GSTO2: variants seen among roughly 807,000 people sequenced by gnomAD.
GSTO2 encodes glutathione S-transferase omega-2.
GSTO2 carries 23 observed loss-of-function variants against 28.4 expected under a neutral mutation model. The ratio of observed to expected loss-of-function variants is 0.81; its 90% CI spans 0.58 to 1.15. The LOEUF is 1.15. Ranked by LOEUF, GSTO2 falls within the 50% of genes most tolerant of loss-of-function variation. The pLI is 0.00. For missense variants in GSTO2, 298 were observed against 297.8 expected, an observed-to-expected ratio of 1.00 and a Z score of 0.00; for synonymous variants, 109 against 111.0, an observed-to-expected ratio of 0.98 and a Z score of 0.11.
At chr10:104,269,721 C>T (rs557321736) in intron 1 of GSTO2, among the ~76,000 whole-genome samples, 2 of 152,282 alleles carry the variant, frequency 1.3e-5, no homozygotes, top group Admixed American at 1.3e-4. Context: ...ATAATAATAG[C>T]TAATGTTGAA....
rs892529683 is a variant in GSTO2, at chr10:104,300,455, T to G, written c.*1171T>G. On this transcript the variant is annotated 3_prime_UTR_variant, in exon 7 of 7. Coordinates refer to ENST00000338595, the MANE Select transcript of GSTO2 (RefSeq NM_183239.2). ...GGGAGCCCCCATCTCTCCACTTATC[T>G]TGGTTGAGGTTTTAAACCTAGCGCT... 1.3e-5 allele frequency: 2 copies of G among 152,296 alleles called. No homozygotes were observed. Among genetic ancestry groups the G allele is most frequent in the Non-Finnish European group, 1.5e-5 (1 of 68,082 alleles). The allele number at this position is 152,296 out of a possible 1,614,324, so 9.4% of individuals were successfully genotyped here. A position where few individuals can be genotyped will look rare whatever the true frequency, so the allele number is the denominator to read the frequency against.
Position 104,297,656 on chromosome 10 carries a change from G to A in GSTO2, c.547G>A (p.Glu183Lys). ...TGATTACCTCCTCTGGCCCTGGTTT[G>A]AGCGGCTGGATGTGTATGGGATACT... ...MIDYLLWPWFERLDVYGILDC... is the reference protein window; with the variant it reads ...MIDYLLWPWFKRLDVYGILDC... Residue 183 changes from glutamate (E) to lysine (K), a missense_variant, in exon 6 of 7, where the codon GAG (glutamate) becomes AAG (lysine). By Grantham distance (56) the Glu-to-Lys change is moderately conservative. Transcript: ENST00000338595. The A allele has an allele frequency of 1.2e-6, 2 of 1,613,534 alleles. No homozygotes were observed. Among genetic ancestry groups the A allele is most frequent in the Non-Finnish European group, 1.7e-6 (2 of 1,179,556 alleles).
In GSTO2 at chr10:104,274,749, C is replaced by T. The variant is rs755711005; in HGVS notation, c.-167C>T. The T allele has an allele frequency of 1.3e-6, 1 of 786,722 alleles. No individual in the cohort carries two copies. The highest frequency in any genetic ancestry group is 1.6e-5 in the South Asian group (1 of 63,244). 48.7% of individuals were successfully genotyped at this position (786,722 alleles called of 1,614,324 possible). On this transcript the variant is annotated 5_prime_UTR_variant, in exon 2 of 7. Transcript: ENST00000338595. Reference sequence around the variant, plus strand: ...CCAGGTTAAATTACCCTAGCTCCTGCTCCAGATCGCTTCCCCGTGCCCCGC... The same window carrying T: ...CCAGGTTAAATTACCCTAGCTCCTGTTCCAGATCGCTTCCCCGTGCCCCGC...
intron 1 of GSTO2, among the ~76,000 whole-genome samples, chr10:104,273,996 T>C (rs909147800): frequency 2.0e-5 from 3 of 152,218 alleles, no homozygotes; most frequent in African/African-American, 7.2e-5. Flanking sequence ...TAAGGAATTA[T>C]TTTTTTACCT....
chr10:104,279,246 G>A, intron 4 of GSTO2, 124 bp from the exon 5 acceptor site: 1 of 691,854 alleles, frequency 1.4e-6, no homozygotes, highest in Admixed American at 2.6e-5. Flanking sequence ...CAGGGAGCTG[G>A]GGGGTCTGAT....
intron 5 of GSTO2, among the ~76,000 whole-genome samples, chr10:104,289,183 C>G (rs1255783299): frequency 6.6e-6 from 1 of 152,168 alleles, no homozygotes; most frequent in Non-Finnish European, 1.5e-5. Flanking sequence ...ACTGCAGCCT[C>G]GACCTCTCAG....
At chr10:104,273,914 T>C (rs1055771341) in intron 1 of GSTO2, among the ~76,000 whole-genome samples, 4 of 152,348 alleles carry the variant, frequency 2.6e-5, no homozygotes, top group Admixed American at 2.6e-4. Context: ...TATTTTTCTT[T>C]CCTTCATGAT....
At chr10:104,294,261 G>A (rs2012922590) in intron 5 of GSTO2, among the ~76,000 whole-genome samples, 1 of 152,174 alleles carries the variant, frequency 6.6e-6, no homozygotes, top group South Asian at 2.1e-4. Context: ...GATCATGGTA[G>A]AAATAAATGG....
At chr10:104,296,703 A>G (rs980096214) in intron 5 of GSTO2, 23 of 149,804 alleles carry the variant, frequency 1.5e-4, no homozygotes, top group African/African-American at 5.6e-4. Flanking sequence ...TTCCTGCCTT[A>G]GTTTTGAATT....
chr10:104,293,928 C>A (rs180713835), intron 5 of GSTO2, among the ~76,000 whole-genome samples: 4 of 152,104 alleles, frequency 2.6e-5, no homozygotes, highest in African/African-American at 4.8e-5. Context: ...CAGTGCAAAC[C>A]GGAGAGCCCG....
At position 104,275,175 on chromosome 10, in the gene GSTO2, C is replaced by G. The variant is rs753910980; in HGVS notation, c.35-51C>G. 3.2e-6 allele frequency: 5 copies of G among 1,556,934 alleles called. No individual in the cohort carries two copies. In the South Asian group the frequency reaches 6.1e-5, roughly 19 times the overall value. ...GCAAGTGAGCGAGCTCCTTCCTCAC[C>G]GGGCTGACTAGCCTCTCCTTTCCCT... On this transcript the variant is annotated intron_variant, in intron 2 of 6. Transcript: ENST00000338595.
chr10:104,278,263 G>C, intron 4 of GSTO2, 147 bp downstream of exon 4: 1 of 657,688 alleles, frequency 1.5e-6, no homozygotes, highest in Non-Finnish European at 2.6e-6. Flanking sequence ...CATGGAATTA[G>C]GGTAGAGCAT....
rs1386490981 is a variant in GSTO2, at chr10:104,278,017, T to C, written c.267T>C (p.Ala89=). Residue 89 remains alanine, a synonymous_variant, in exon 4 of 7, where the codon GCT becomes GCC. Transcript: ENST00000338595. ...AACTGATCTATGAATCTGTTATTGC[T>C]TGTGAGTACCTGGATGATGCTTATC... ...QCQLIYESVI[A]CEYLDDAYPG... is the part of the protein sequence containing the mutation. 6.2e-7 allele frequency: 1 copy of C among 1,614,206 alleles called. No individual in the cohort carries two copies. The highest frequency in any genetic ancestry group is 8.5e-7 in the Non-Finnish European group (1 of 1,180,030).
intron 1 of GSTO2, among the ~76,000 whole-genome samples, chr10:104,272,751 C>A (rs7913562): frequency 0.074 from 11,196 of 151,448 alleles, 1,377 homozygotes; most frequent in African/African-American, 0.26. Flanking sequence ...GTAGCTGGGA[C>A]TACAGGCGCC....
intron 5 of GSTO2, among the ~76,000 whole-genome samples, chr10:104,293,210 C>T (rs934499972): frequency 3.9e-5 from 6 of 152,108 alleles, no homozygotes; most frequent in African/African-American, 1.2e-4. Context: ...CACAGAGAAG[C>T]TCAGAGCCGA....
intron 5 of GSTO2, chr10:104,296,069 G>A (rs531826024): frequency 5.9e-4 from 90 of 152,218 alleles, no homozygotes; most frequent in African/African-American, 2.1e-3. Context: ...TTTTCTCTTT[G>A]GGAAGACCTG....
At position 104,277,989 on chromosome 10, in the gene GSTO2, G is replaced by A. The variant is rs769505495; in HGVS notation, c.239G>A (p.Cys80Tyr). The change falls in exon 4 of 7, where the codon TGT becomes TAT. Residue 80 changes from cysteine (C) to tyrosine (Y), a missense_variant. By Grantham distance (194) the Cys-to-Tyr change is radical. Transcript: ENST00000338595. ...ATTCCTGTCCTGGAGACCAGCCAATGTCAACTGATCTATGAATCTGTTATT... is the reference window on the plus strand; with the variant it reads ...ATTCCTGTCCTGGAGACCAGCCAATATCAACTGATCTATGAATCTGTTATT... ...GHIPVLETSQCQLIYESVIAC... is the reference protein window; with the variant it reads ...GHIPVLETSQYQLIYESVIAC... 6 of 1,613,584 alleles carry A rather than the reference G, an allele frequency of 3.7e-6. No homozygotes were observed. Among genetic ancestry groups the A allele is most frequent in the Non-Finnish European group, 5.1e-6 (6 of 1,179,606 alleles).
rs560717240 is a variant in GSTO2 at position 104,284,509 on chromosome 10, GT to G, written c.468+5040del. ...TAGCAGCCTGCTCACTGGCTTTCCT[GT>G]TCTGAACATTGGCATGAGTTTTAAA... On this transcript the variant is annotated intron_variant, in intron 5 of 6. Transcript: ENST00000338595. 6.6e-4 allele frequency among the ~76,000 whole-genome samples: 101 copies of G among 152,314 alleles called. 1 individual carries two copies. Among genetic ancestry groups the G allele is most frequent in the African/African-American group, 2.3e-3 (94 of 41,570 alleles).
At chr10:104,288,586 C>T (rs1055399408) in intron 5 of GSTO2, 1 of 152,198 alleles carries the variant, frequency 6.6e-6, no homozygotes, top group Non-Finnish European at 1.5e-5. Context: ...TGTGGAGATA[C>T]ACTGTAGTTC....
Sources: allele counts gnomAD v4.1 joint callset (sites outside exome capture counted in the v4.1 genomes callset), GRCh38; gene constraint gnomAD v4.1.1; transcripts MANE v1.5; gene names NCBI Gene and HGNC (gene_info 2026-07-23, HGNC 2026-07-21).